DNAH2: variants seen among roughly 807,000 people sequenced by gnomAD.
The protein encoded by DNAH2 is axonemal beta dynein heavy chain 2.
Under a neutral mutation model 523.5 loss-of-function variants are expected in DNAH2, and 323 were observed. The observed-to-expected ratio is 0.62, with a 90% CI of 0.56 to 0.68. DNAH2 has a LOEUF of 0.68. DNAH2 is among the 30% of genes least tolerant of loss of function. The pLI, the probability that DNAH2 is intolerant of heterozygous loss-of-function variation, is 0.00. For missense variants in DNAH2, 4,907 were observed against 5,701.5 expected (o/e 0.86, Z 4.49); for synonymous variants, 2,093 against 2,177.4 (o/e 0.96, Z 1.08).
At chr17:7,747,515 C>T (rs1265192677) in intron 12 of DNAH2, among the ~76,000 whole-genome samples, 2 of 152,130 alleles carry the variant, frequency 1.3e-5, no homozygotes. Flanking sequence ...CTCTGCAGCA[C>T]TGTGTTTACT....
chr17:7,767,102 G>A (rs906252809), intron 22 of DNAH2, among the ~76,000 whole-genome samples: 9 of 5,168 alleles, frequency 1.7e-3, no homozygotes, highest in African/African-American at 6.7e-3. Context: ...CCCGTCCCCC[G>A]CCCCAGTCTG....
chr17:7,738,594 G>T (rs1266840522), intron 8 of DNAH2, among the ~76,000 whole-genome samples: 1 of 152,158 alleles, frequency 6.6e-6, no homozygotes, highest in African/African-American at 2.4e-5. Flanking sequence ...CTCTCAAAGT[G>T]CTGGGATTAC....
Position 7,765,426 on chromosome 17 carries a change from G to T in DNAH2, c.3372G>T (p.Trp1124Cys), listed in dbSNP as rs750434021. The change falls in exon 21 of 86, where the codon TGG becomes TGT. Residue 1124 changes from tryptophan (W) to cysteine (C), a missense_variant. This residue lies in a region of DNAH2 where 2,806 missense variants were observed against 3,190.8 expected (regional missense o/e 0.88). Transcript: ENST00000572933. Reference protein sequence around the residue: ...LEMLDSLNGEWVVFQQTLLDS... With the variant: ...LEMLDSLNGECVVFQQTLLDS... ...TGCTGGACAGTCTCAACGGGGAGTG[G>T]GTTGTCTTCCAACAAACTCTGCTGG... 6.2e-7 allele frequency: 1 copy of T among 1,614,132 alleles called. No individual in the cohort carries two copies. The highest frequency in any genetic ancestry group is 1.3e-5 in the African/African-American group (1 of 75,064).
intron 48 of DNAH2, among the ~76,000 whole-genome samples, chr17:7,793,831 A>C (rs965613976): frequency 6.6e-6 from 1 of 152,090 alleles, no homozygotes; most frequent in African/African-American, 2.4e-5. Flanking sequence ...TCTGGCACTC[A>C]GGGCCAAAAA....
intron 49 of DNAH2, 39 bp downstream of exon 49, chr17:7,794,397 A>G (rs753846908): frequency 3.2e-6 from 5 of 1,559,012 alleles, no homozygotes; most frequent in African/African-American, 1.4e-5. Context: ...AGGGGAGGGT[A>G]GGAGGTGAAA....
rs753024316 is a variant in DNAH2, at chr17:7,723,620, C to T, written c.167-8C>T. ...ATGCCTTCCTTTTTGTATGTTTATT[C>T]TTCCTAGAGCCACGGTTGGAGGGAC... On this transcript the variant is annotated splice_region_variant and splice_polypyrimidine_tract_variant and intron_variant, in intron 2 of 85. Coordinates refer to ENST00000572933, the MANE Select transcript of DNAH2 (RefSeq NM_020877.5). The T allele has an allele frequency of 6.2e-7, 1 of 1,613,522 alleles. No homozygotes were observed. The highest frequency in any genetic ancestry group is 8.5e-7 in the Non-Finnish European group (1 of 1,179,626).
rs906259079 is a variant in DNAH2 at position 7,758,353 on chromosome 17, T to C, written c.2052-142T>C. 3 of 1,112,764 alleles carry C rather than the reference T, an allele frequency of 2.7e-6. No homozygotes were observed. The African/African-American group carries it at 4.7e-5, about 17-fold the overall frequency. The allele number at this position is 1,112,764 out of a possible 1,614,324, so 68.9% of individuals were successfully genotyped here. ...ACACTTCCATCATTGCAAAAAGTTC[T>C]TTTGGAAGTACTAGTCTAGAATCTA... is the stretch of plus-strand genomic sequence containing the variant. On this transcript the variant is annotated intron_variant, in intron 13 of 85. Coordinates refer to ENST00000572933, the MANE Select transcript of DNAH2 (RefSeq NM_020877.5).
At position 7,797,781 on chromosome 17, in the gene DNAH2, T is replaced by C; in HGVS notation, c.8182T>C (p.Ser2728Pro). ...TCTAAATGAGTATAACCTGTCACCCTCTGTCGTGCCCATGCAGCTAGTGCT... is the reference window on the plus strand; with the variant it reads ...TCTAAATGAGTATAACCTGTCACCCCCTGTCGTGCCCATGCAGCTAGTGCT... ...TALNEYNLSP[S>P]VVPMQLVLFR... The change falls in exon 53 of 86, where the codon TCT (serine) becomes CCT (proline). Residue 2728 changes from serine to proline, a missense_variant. By Grantham distance (74) the Ser-to-Pro change is moderately conservative. Around this residue, in one of 3 missense-constraint regions of DNAH2, gnomAD observed 250 missense variants for 371.3 expected, o/e 0.67. Transcript: ENST00000572933. The C allele has an allele frequency of 6.2e-7, 1 of 1,614,064 alleles. No homozygotes were observed. Among genetic ancestry groups the C allele is most frequent in the Non-Finnish European group, 8.5e-7 (1 of 1,179,990 alleles).
At chr17:7,766,592 G>T in intron 22 of DNAH2, 111 bp downstream of exon 22, 1 of 1,061,760 alleles carries the variant, frequency 9.4e-7, no homozygotes, top group Non-Finnish European at 1.3e-6. Flanking sequence ...CTCACAAGGA[G>T]CTTTTGTTTG....
At chr17:7,802,118 C>A (rs555684685) in intron 58 of DNAH2, 101 bp downstream of exon 58, 27 of 1,482,124 alleles carry the variant, frequency 1.8e-5, no homozygotes, top group African/African-American at 2.7e-5. Flanking sequence ...GACACAAAGG[C>A]CACAGTTCTG....
At position 7,807,880 on chromosome 17, in the gene DNAH2, G is replaced by A. The variant is rs1406056635; in HGVS notation, c.9729+294G>A. On this transcript the variant is annotated intron_variant, in intron 63 of 85. Coordinates refer to ENST00000572933, the MANE Select transcript of DNAH2 (RefSeq NM_020877.5). This position sits in a 1 kb window ranked among gnomAD's most constrained non-coding sequence, Gnocchi z 5.6. ...GTCACACCCTTCGGAGATGGCGCCT[G>A]AGATATTAACTGATGACATCTGCGT... Among the ~76,000 whole-genome samples, 1 of 152,224 alleles carries A rather than the reference G, an allele frequency of 6.6e-6. No homozygotes were observed. Among genetic ancestry groups the A allele is most frequent in the Non-Finnish European group, 1.5e-5 (1 of 68,048 alleles).
In DNAH2 at chr17:7,831,047, TC is replaced by T; in HGVS notation, c.12231-35del. 6.3e-7 allele frequency: 1 copy of T among 1,590,056 alleles called. No individual in the cohort carries two copies. On this transcript the variant is annotated intron_variant, in intron 79 of 85. Transcript: ENST00000572933. The surrounding 1 kb of genome is among the most constrained non-coding windows in gnomAD (Gnocchi z 4.2). Reference sequence around the variant, plus strand: ...TCTTGGCCTGGCATTGAGGGCTGAGTCCCCACAATGTGGCAGTAATTATGCT... The same window carrying T: ...TCTTGGCCTGGCATTGAGGGCTGAGTCCCACAATGTGGCAGTAATTATGCT...
In DNAH2 at chr17:7,737,126, C is replaced by T. The variant is rs201952656; in HGVS notation, c.1038C>T (p.Tyr346=). 3.1e-6 allele frequency: 5 copies of T among 1,614,140 alleles called. No homozygotes were observed. Among genetic ancestry groups the T allele is most frequent in the African/African-American group, 1.3e-5 (1 of 75,038 alleles). The part of the protein sequence containing the change: ...LTFLSILKEP[Y]QELAFMKPKD... ...TTTTGTCAATCCTGAAGGAACCTTA[C>T]CAGGAGTTGGCTTTCATGAAGCCCA... Residue 346 remains tyrosine, a synonymous_variant, in exon 8 of 86, where the codon TAC becomes TAT. Transcript: ENST00000572933.
intron 77 of DNAH2, among the ~76,000 whole-genome samples, chr17:7,826,194 A>T (rs1217273765): frequency 6.6e-6 from 1 of 152,114 alleles, no homozygotes; most frequent in East Asian, 1.9e-4. Context: ...TAATTTTTGC[A>T]TTTTTAGTAG....
chr17:7,759,972 G>A, intron 17 of DNAH2, 34 bp downstream of exon 17: 2 of 1,613,792 alleles, frequency 1.2e-6, no homozygotes, highest in East Asian at 4.5e-5. Flanking sequence ...CAAGGCACAG[G>A]GTTTCAGAGG....
In DNAH2 at chr17:7,800,439, C is replaced by CT. The variant is rs1159815675; in HGVS notation, c.8700-1132dup. On this transcript the variant is annotated intron_variant, in intron 56 of 85. Transcript: ENST00000572933. ...TTGTAGCATGTGTCAGGATTTCCTT[C>CT]TTTTTTTAAGGCTGAATAATATTAT... 3.9e-5 allele frequency among the ~76,000 whole-genome samples: 6 copies of CT among 152,200 alleles called. No individual in the cohort carries two copies. The South Asian group carries it at 6.2e-4, about 16-fold the overall frequency.
At chr17:7,720,094 G>T in intron 2 of DNAH2, among the ~76,000 whole-genome samples, 194 bp downstream of exon 2, 1 of 152,280 alleles carries the variant, frequency 6.6e-6, no homozygotes, top group East Asian at 1.9e-4. Flanking sequence ...CTCCTGGCCA[G>T]CCTCATCCTT....
intron 3 of DNAH2, among the ~76,000 whole-genome samples, chr17:7,725,527 G>A (rs551852942): frequency 3.3e-5 from 5 of 150,190 alleles, no homozygotes; most frequent in African/African-American, 1.2e-4. Flanking sequence ...CCGCCTCCCG[G>A]GCTCAAGCAA....
rs139080127 is a variant in DNAH2, at chr17:7,786,313, G to T, written c.6319G>T (p.Ala2107Ser). ...LQASLSSLCR[A>S]GDPNFNIVRE... ...GGCCTCCCTGTCCTCTCTGTGCCGC[G>T]CCGGAGACCCTAACTTCAACATTGT... is the stretch of plus-strand genomic sequence containing the variant. The change falls in exon 40 of 86, where the codon GCC (alanine) becomes TCC (serine). Residue 2107 changes from alanine to serine, a missense_variant. Physicochemically the swap from Ala to Ser is moderately conservative, Grantham distance 99. Coordinates refer to ENST00000572933, the MANE Select transcript of DNAH2 (RefSeq NM_020877.5). This position sits in a 1 kb window ranked among gnomAD's most constrained non-coding sequence, Gnocchi z 7.5. The T allele has an allele frequency of 1.9e-6, 3 of 1,613,284 alleles. No homozygotes were observed. The highest frequency in any genetic ancestry group is 1.1e-5 in the South Asian group (1 of 91,058).
Sources: allele counts gnomAD v4.1 joint callset (sites outside exome capture counted in the v4.1 genomes callset), GRCh38; gene constraint gnomAD v4.1.1; regional missense constraint gnomAD v4.1.1; non-coding constraint Gnocchi (gnomAD v3.1); transcripts MANE v1.5; gene names NCBI Gene and HGNC (gene_info 2026-07-23, HGNC 2026-07-21).